Variants in NLGN4X observed in about 807,000 individuals in gnomAD.
NLGN4X encodes neuroligin 4 X-linked, also known as neuroligin-4, X-linked.
A neutral mutation model predicts 40.3 loss-of-function variants in NLGN4X; 3 were observed. The ratio of observed to expected loss-of-function variants is 0.07; its 90% CI spans 0.03 to 0.19. The LOEUF (loss-of-function observed/expected upper bound fraction) is 0.19, where lower values mean the gene tolerates loss of function less well. Among genes scored for constraint, NLGN4X ranks in the 10% least tolerant of loss-of-function variants. NLGN4X has a pLI of 1.00. For missense variants in NLGN4X, 382 were observed against 708.3 expected, an observed-to-expected ratio of 0.54 and a Z score of 5.23; for synonymous variants, 270 against 306.8, an observed-to-expected ratio of 0.88 and a Z score of 1.25.
At chrX:5,955,616 C>A (rs1254864664) in intron 3 of NLGN4X, among the ~76,000 whole-genome samples, 2 of 109,945 alleles carry the variant, frequency 1.8e-5, no homozygotes, top group Non-Finnish European at 3.8e-5. Flanking sequence ...TAACATAATA[C>A]AAAGTGGCAA....
At chrX:5,952,435 C>G (rs1244879835) in intron 3 of NLGN4X, among the ~76,000 whole-genome samples, 4 of 109,215 alleles carry the variant, frequency 3.7e-5, no homozygotes, top group African/African-American at 1.3e-4. Flanking sequence ...ACGTAAGACC[C>G]TCTATGGCTG....
intron 2 of NLGN4X, among the ~76,000 whole-genome samples, chrX:6,084,304 A>C (rs1468454940): frequency 9.0e-6 from 1 of 111,443 alleles, no homozygotes; most frequent in East Asian, 2.8e-4. Context: ...ATAAATTCCT[A>C]TTACAGTAAT....
chrX:6,216,226 G>A lies in NLGN4X; in HGVS notation c.-306+12315C>T, dbSNP rs114855486. 5.4e-3 allele frequency among the ~76,000 whole-genome samples: 609 copies of A among 111,934 alleles called. 9 individuals are homozygous for A. The highest frequency in any genetic ancestry group is 0.019 in the African/African-American group (582 of 30,807). On this transcript the variant is annotated intron_variant, in intron 1 of 5. Transcript: ENST00000381095. ...TCATATAGGTGTTGGAAGGATGTCA[G>A]ATGAGAGCTGGGATGGGGAGAGGAA...
intron 3 of NLGN4X, among the ~76,000 whole-genome samples, chrX:5,995,702 T>C (rs1216583172): frequency 8.9e-6 from 1 of 112,065 alleles, no homozygotes; most frequent in East Asian, 2.8e-4. Context: ...AAAGATGCCA[T>C]GTTTGAGGGG....
In NLGN4X at chrX:5,894,180, C is replaced by T. The variant is rs753637949; in HGVS notation, c.1602-514G>A. Among the ~76,000 whole-genome samples, 13 of 111,701 alleles carry T rather than the reference C, an allele frequency of 1.2e-4. No homozygotes were observed. In the East Asian group the frequency reaches 3.1e-3, roughly 27 times the overall value. On this transcript the variant is annotated intron_variant, in intron 5 of 5. Coordinates refer to ENST00000381095, the MANE Select transcript of NLGN4X (RefSeq NM_181332.3). ...TACCCTCTGGTGCACAGGAGAGACC[C>T]CCACAGCAAAGAAGTTATCTGGACC...
At chrX:6,205,911 T>A (rs1452622079) in intron 1 of NLGN4X, among the ~76,000 whole-genome samples, 1 of 112,231 alleles carries the variant, frequency 8.9e-6, no homozygotes, top group Non-Finnish European at 1.9e-5. Context: ...CAGGTCACAA[T>A]GAAGTTTATT....
chrX:6,180,433 A>G (rs1921311145), intron 1 of NLGN4X, among the ~76,000 whole-genome samples: 1 of 110,815 alleles, frequency 9.0e-6, no homozygotes, highest in African/African-American at 3.3e-5. Flanking sequence ...CCGGCCATGT[A>G]AGAAAGCTCA....
chrX:6,216,606 C>T (rs1424155750), intron 1 of NLGN4X, among the ~76,000 whole-genome samples: 1 of 112,377 alleles, frequency 8.9e-6, no homozygotes, highest in Non-Finnish European at 1.9e-5. Context: ...TTTGTGGAGT[C>T]AGGGGTGAGG....
At chrX:6,092,439 A>T (rs1356938510) in intron 2 of NLGN4X, among the ~76,000 whole-genome samples, 2 of 112,042 alleles carry the variant, frequency 1.8e-5, no homozygotes, top group Admixed American at 9.5e-5. Flanking sequence ...TGGACCCTTG[A>T]AAGGGCTCAA....
At chrX:6,043,210 GTTA>G (rs2037225292) in intron 2 of NLGN4X, among the ~76,000 whole-genome samples, 1 of 107,685 alleles carries the variant, frequency 9.3e-6, no homozygotes, top group Admixed American at 1.0e-4. Flanking sequence ...CCTGTCAGAA[GTTA>G]TTAGGTTTTT....
chrX:6,137,740 T>C (rs2039851557), intron 2 of NLGN4X, among the ~76,000 whole-genome samples: 1 of 112,034 alleles, frequency 8.9e-6, no homozygotes, highest in Non-Finnish European at 1.9e-5. Flanking sequence ...GCTCATTTTA[T>C]CCTAAGTCTT....
At chrX:5,893,793 A>G (rs1248776543) in intron 5 of NLGN4X, 127 bp from the exon 6 acceptor site, 1 of 725,275 alleles carries the variant, frequency 1.4e-6, no homozygotes, top group Non-Finnish European at 2.0e-6. Context: ...AGCACAAAAT[A>G]CCCAAGCAGC....
At chrX:6,157,839 C>T (rs1474258280) in intron 1 of NLGN4X, among the ~76,000 whole-genome samples, 1 of 111,361 alleles carries the variant, frequency 9.0e-6, no homozygotes, top group Non-Finnish European at 1.9e-5. Flanking sequence ...TGGAAAGACA[C>T]AAGCCTTCAG....
chrX:6,034,729 T>C (rs1278057584), intron 2 of NLGN4X, among the ~76,000 whole-genome samples: 1 of 82,299 alleles, frequency 1.2e-5, no homozygotes, highest in Non-Finnish European at 2.4e-5. Flanking sequence ...TTTTTTTTTT[T>C]TCAAAGTCTT....
intron 2 of NLGN4X, among the ~76,000 whole-genome samples, chrX:6,065,853 T>G (rs1312549628): frequency 3.6e-5 from 4 of 112,100 alleles, no homozygotes; most frequent in Non-Finnish European, 7.5e-5. Flanking sequence ...TTTTTTAAAA[T>G]AGCTAAATTG....
chrX:6,135,172 A>G (rs769462287), intron 2 of NLGN4X, among the ~76,000 whole-genome samples: 1 of 111,912 alleles, frequency 8.9e-6, no homozygotes, highest in South Asian at 3.7e-4. Context: ...CCACCAGCTG[A>G]CAGCTTCCAG....
chrX:6,082,821 T>G (rs1478984490), intron 2 of NLGN4X, among the ~76,000 whole-genome samples: 23 of 108,146 alleles, frequency 2.1e-4, no homozygotes, highest in African/African-American at 7.8e-4. Flanking sequence ...GGGCACGAGG[T>G]GTACAAGAAA....
intron 3 of NLGN4X, among the ~76,000 whole-genome samples, chrX:5,939,380 C>T (rs750883636): frequency 2.7e-5 from 3 of 111,378 alleles, no homozygotes; most frequent in South Asian, 7.6e-4. Flanking sequence ...CACACAGAAG[C>T]AGATGCACAC....
At chrX:6,211,005 C>T (rs1295638163) in intron 1 of NLGN4X, among the ~76,000 whole-genome samples, 1 of 112,014 alleles carries the variant, frequency 8.9e-6, no homozygotes, top group Admixed American at 9.5e-5. Context: ...TTACATCATG[C>T]CATAATAAGA....
Sources: allele counts gnomAD v4.1 joint callset (sites outside exome capture counted in the v4.1 genomes callset), GRCh38; gene constraint gnomAD v4.1.1; transcripts MANE v1.5; gene names NCBI Gene and HGNC (gene_info 2026-07-23, HGNC 2026-07-21).